Variants in DCLK1 observed in about 807,000 individuals in gnomAD.
DCLK1 encodes the protein doublecortin like kinase 1, also known as serine/threonine-protein kinase DCLK1.
In DCLK1, 16 loss-of-function variants were observed where a neutral mutation model predicts 86.2. The ratio of observed to expected loss-of-function variants is 0.19; its 90% CI spans 0.13 to 0.28. The LOEUF (loss-of-function observed/expected upper bound fraction) is 0.28, where lower values mean the gene tolerates loss of function less well. Among genes scored for constraint, DCLK1 ranks in the 10% least tolerant of loss-of-function variants. The probability of loss-of-function intolerance (pLI) is 1.00; values close to 1 mark genes in which losing one functional copy is unlikely to be tolerated. For synonymous variants in DCLK1, 369 were observed against 370.5 expected, an observed-to-expected ratio of 1.00 and a Z score of 0.05; for missense variants, 590 against 940.2, an observed-to-expected ratio of 0.63 and a Z score of 4.87.
At chr13:36,031,222 T>C (rs1273754154) in intron 3 of DCLK1, among the ~76,000 whole-genome samples, 6 of 151,970 alleles carry the variant, frequency 3.9e-5, no homozygotes, top group African/African-American at 1.5e-4. Context: ...TAGCAAATAA[T>C]GTGTGTGATC....
At chr13:36,053,227 G>C (rs1047949512) in intron 3 of DCLK1, among the ~76,000 whole-genome samples, 4 of 152,144 alleles carry the variant, frequency 2.6e-5, no homozygotes, top group Non-Finnish European at 4.4e-5. Context: ...AGAACTGTGT[G>C]AGGTACTAGG....
intron 4 of DCLK1, among the ~76,000 whole-genome samples, chr13:35,883,841 C>T (rs1454631967): frequency 1.3e-5 from 2 of 152,142 alleles, no homozygotes; most frequent in African/African-American, 4.8e-5. Flanking sequence ...AGCTCATATG[C>T]TCCTTGTGTA....
chr13:35,969,428 G>A lies in DCLK1; in HGVS notation c.724-21971C>T, dbSNP rs114772594. Among the ~76,000 whole-genome samples the A allele has an allele frequency of 5.9e-3, 899 of 152,272 alleles. 15 individuals are homozygous for A. Among genetic ancestry groups the A allele is most frequent in the African/African-American group, 0.021 (860 of 41,550 alleles). On this transcript the variant is annotated intron_variant, in intron 3 of 16. Transcript: ENST00000360631. Reference sequence around the variant, plus strand: ...TTGAAGTGAGGTAGCCACAAGCCAAGGATACTTGGAGCCACCAGAAGCTGG... The same window carrying A: ...TTGAAGTGAGGTAGCCACAAGCCAAAGATACTTGGAGCCACCAGAAGCTGG...
At chr13:35,871,747 TGTG>T (rs1376197396) in intron 4 of DCLK1, among the ~76,000 whole-genome samples, 8 of 152,194 alleles carry the variant, frequency 5.3e-5, no homozygotes, top group Non-Finnish European at 1.0e-4. Context: ...AACCAAGAAA[TGTG>T]GTGGTGGAAG....
intron 16 of DCLK1, among the ~76,000 whole-genome samples, chr13:35,785,706 C>T (rs1412286620): frequency 1.3e-5 from 2 of 152,106 alleles, no homozygotes; most frequent in Non-Finnish European, 2.9e-5. Flanking sequence ...CCCAAGTGTT[C>T]GGCTTACAGC....
intron 5 of DCLK1, among the ~76,000 whole-genome samples, chr13:35,860,669 T>A: frequency 6.6e-6 from 1 of 152,152 alleles, no homozygotes; most frequent in East Asian, 1.9e-4. Flanking sequence ...ATTCATGTGG[T>A]CAACATTTAC....
In DCLK1 at chr13:35,886,170, C is replaced by T. The variant is rs535775471; in HGVS notation, c.824-14830G>A. Among the ~76,000 whole-genome samples, 5 of 152,106 alleles carry T rather than the reference C, an allele frequency of 3.3e-5. No homozygotes were observed. In the South Asian group the frequency reaches 8.3e-4, roughly 25 times the overall value. On this transcript the variant is annotated intron_variant, in intron 4 of 16. Coordinates refer to ENST00000360631, the MANE Select transcript of DCLK1 (RefSeq NM_001330071.2). ...GGGACTACAGGCACATGCCACCATG[C>T]CTGGCTAATTTTTTGTATTTTTAGT...
chr13:35,808,292 C>A lies in DCLK1; in HGVS notation c.1795G>T (p.Asp599Tyr). The change falls in exon 14 of 17, where the codon GAT (aspartate) becomes TAT (tyrosine). Residue 599 changes from aspartate to tyrosine, a missense_variant. By Grantham distance (160) the Asp-to-Tyr change is radical. This residue lies in a region of DCLK1 where 146 missense variants were observed against 190.2 expected (regional missense o/e 0.77). Coordinates refer to ENST00000360631, the MANE Select transcript of DCLK1 (RefSeq NM_001330071.2). ...TCCACCTGCCCCATCAAAATCTGAT[C>A]AAAAAGCACCTCCTGGTCATCACCA... ...GSGDDQEVLF[D>Y]QILMGQVDFP... 1 of 1,614,060 alleles carries A rather than the reference C, an allele frequency of 6.2e-7. No homozygotes were observed. Among genetic ancestry groups the A allele is most frequent in the Non-Finnish European group, 8.5e-7 (1 of 1,179,960 alleles).
At chr13:35,976,823 C>A (rs77075148) in intron 3 of DCLK1, among the ~76,000 whole-genome samples, 3 of 151,922 alleles carry the variant, frequency 2.0e-5, no homozygotes, top group South Asian at 4.2e-4. Context: ...CGTGAGCCAC[C>A]GCGCCCGGCC....
At chr13:35,936,440 A>C (rs1876753275) in intron 4 of DCLK1, among the ~76,000 whole-genome samples, 1 of 152,208 alleles carries the variant, frequency 6.6e-6, no homozygotes, top group African/African-American at 2.4e-5. Flanking sequence ...TAGTCTTCTT[A>C]CTCACTTTGA....
rs1341714521 is a variant in DCLK1 at position 35,854,417 on chromosome 13, G to A, written c.1035+82C>T. The A allele has an allele frequency of 2.7e-6, 3 of 1,127,220 alleles. No homozygotes were observed. The East Asian group carries it at 8.0e-5, about 30-fold the overall frequency. 69.8% of individuals were successfully genotyped at this position (1,127,220 alleles called of 1,614,324 possible). A position where few individuals can be genotyped will look rare whatever the true frequency, so the allele number is the denominator to read the frequency against. On this transcript the variant is annotated intron_variant, in intron 6 of 16. Coordinates refer to ENST00000360631, the MANE Select transcript of DCLK1 (RefSeq NM_001330071.2). The stretch of plus-strand genomic sequence containing the variant: ...TAGCTTAGATATCGCCTAGAGACGA[G>A]CAGCACGATTTGCTGGCACCTGTAC...
chr13:35,871,662 T>A (rs760618019), intron 4 of DCLK1, among the ~76,000 whole-genome samples: 4 of 136,510 alleles, frequency 2.9e-5, no homozygotes, highest in Non-Finnish European at 5.9e-5. Flanking sequence ...CCTTGAGTTA[T>A]CTGTATATGT....
chr13:35,995,884 T>C (rs1880447312), intron 3 of DCLK1, among the ~76,000 whole-genome samples: 1 of 152,224 alleles, frequency 6.6e-6, no homozygotes, highest in African/African-American at 2.4e-5. Context: ...ATATCTTCTA[T>C]ATTAGGCTTT....
At chr13:36,123,263 C>G (rs955034009) in intron 2 of DCLK1, among the ~76,000 whole-genome samples, 2 of 152,026 alleles carry the variant, frequency 1.3e-5, no homozygotes, top group South Asian at 4.1e-4. Flanking sequence ...ATGTAATTGA[C>G]AAAGAGGCGA....
chr13:35,787,917 G>A (rs552061956), intron 16 of DCLK1: 121 of 379,244 alleles, frequency 3.2e-4, no homozygotes, highest in African/African-American at 1.7e-3. Context: ...AATTAGCAAC[G>A]TCAGGAAAAT....
Position 36,126,084 on chromosome 13 carries a change from C to A in DCLK1, c.54G>T (p.Ala18=), listed in dbSNP as rs1294557623. 1.9e-6 allele frequency: 3 copies of A among 1,609,982 alleles called. No individual in the cohort carries two copies. The highest frequency in any genetic ancestry group is 1.7e-5 in the Admixed American group (1 of 59,942). ...ELEHFDERDK[A]QRYSRGSRVN... ...CCCGCGACCCTCGGCTGTATCTCTG[C>A]GCCTTATCCCGCTCGTCGAAGTGCT... Residue 18 remains alanine (A), a synonymous_variant, in exon 2 of 17, where the codon GCG becomes GCT. Transcript: ENST00000360631.
intron 4 of DCLK1, among the ~76,000 whole-genome samples, chr13:35,904,604 A>G (rs1277459720): frequency 2.0e-5 from 3 of 152,236 alleles, no homozygotes; most frequent in African/African-American, 4.8e-5. Flanking sequence ...TGGATGGCAT[A>G]TAGCTCCTTG....
chr13:35,809,118 A>G (rs2087091772), intron 12 of DCLK1, 23 bp from the exon 13 acceptor site: 2 of 1,600,338 alleles, frequency 1.2e-6, no homozygotes, highest in Non-Finnish European at 1.7e-6. Context: ...GGGATGTTAG[A>G]GTTAGGAGGG....
At chr13:35,956,436 T>C (rs1461856862) in intron 3 of DCLK1, among the ~76,000 whole-genome samples, 6 of 152,158 alleles carry the variant, frequency 3.9e-5, no homozygotes, top group South Asian at 4.1e-4. Flanking sequence ...ACTGTGATAA[T>C]TGGAAAAAGA....
Sources: allele counts gnomAD v4.1 joint callset (sites outside exome capture counted in the v4.1 genomes callset), GRCh38; gene constraint gnomAD v4.1.1; regional missense constraint gnomAD v4.1.1; transcripts MANE v1.5; gene names NCBI Gene and HGNC (gene_info 2026-07-23, HGNC 2026-07-21).